DGKB: variants seen among roughly 807,000 people sequenced by gnomAD.
The protein encoded by DGKB is diacylglycerol kinase beta.
A neutral mutation model predicts 114.3 loss-of-function variants in DGKB; 67 were observed. That is an observed-to-expected ratio of 0.59 (90% CI 0.48 to 0.72). The LOEUF (loss-of-function observed/expected upper bound fraction) is 0.72, where lower values mean the gene tolerates loss of function less well. DGKB is among the 30% of genes least tolerant of loss of function. The pLI, the probability that DGKB is intolerant of heterozygous loss-of-function variation, is 0.00. For missense variants in DGKB, 907 were observed against 975.2 expected, an observed-to-expected ratio of 0.93 and a Z score of 0.93; for synonymous variants, 398 against 323.1, an observed-to-expected ratio of 1.23 and a Z score of -2.49.
At chr7:14,360,448 G>GTATATATATATATATATATATATATA (rs112459240) in intron 21 of DGKB, among the ~76,000 whole-genome samples, 40 of 147,010 alleles carry the variant, frequency 2.7e-4, no homozygotes, top group Middle Eastern at 3.6e-3. Context: ...AGAACTTAAA[G>GTATATATATATATATATATATATATA]TATATATATA....
chr7:14,156,877 C>G (rs939749117), intron 25 of DGKB, among the ~76,000 whole-genome samples: 1 of 152,132 alleles, frequency 6.6e-6, no homozygotes, highest in African/African-American at 2.4e-5. Context: ...TAACATTCCT[C>G]AATTTTGATA....
intron 6 of DGKB, among the ~76,000 whole-genome samples, chr7:14,709,652 T>C (rs1826980872): frequency 6.8e-6 from 1 of 146,328 alleles, no homozygotes; most frequent in African/African-American, 2.5e-5. Flanking sequence ...AATGATGAGT[T>C]CATGTCCTTT....
chr7:14,419,759 A>G (rs144667857), intron 21 of DGKB, among the ~76,000 whole-genome samples: 100 of 152,196 alleles, frequency 6.6e-4, no homozygotes, highest in African/African-American at 2.4e-3. Context: ...AATGGCCTTT[A>G]CAATCAAGAT....
At chr7:14,448,210 A>G (rs1197216918) in intron 21 of DGKB, among the ~76,000 whole-genome samples, 1 of 152,082 alleles carries the variant, frequency 6.6e-6, no homozygotes, top group African/African-American at 2.4e-5. Flanking sequence ...AGCCTCCTCT[A>G]TGAGTACTGG....
At chr7:14,833,655 C>T (rs1327171489) in intron 2 of DGKB, among the ~76,000 whole-genome samples, 1 of 152,086 alleles carries the variant, frequency 6.6e-6, no homozygotes, top group Non-Finnish European at 1.5e-5. Context: ...TTCAGCCTTA[C>T]CTTCAGTGCT....
chr7:14,187,321 T>G (rs1218214593), intron 23 of DGKB, among the ~76,000 whole-genome samples: 1 of 151,992 alleles, frequency 6.6e-6, no homozygotes, highest in Admixed American at 6.5e-5. Flanking sequence ...CCTGGACAGA[T>G]AGCCACAGGC....
intron 20 of DGKB, among the ~76,000 whole-genome samples, chr7:14,533,224 T>G (rs1791882593): frequency 6.6e-6 from 1 of 151,808 alleles, no homozygotes; most frequent in Non-Finnish European, 1.5e-5. Context: ...ACTAAAACTT[T>G]CAACAGACAG....
At chr7:14,353,158 T>C (rs137927044) in intron 21 of DGKB, among the ~76,000 whole-genome samples, 294 of 152,234 alleles carry the variant, frequency 1.9e-3, no homozygotes, top group African/African-American at 6.7e-3. Context: ...TGTCTCTCAT[T>C]ATATACAATA....
intron 7 of DGKB, among the ~76,000 whole-genome samples, chr7:14,701,464 T>C (rs931031816): frequency 6.6e-6 from 1 of 152,182 alleles, no homozygotes; most frequent in Non-Finnish European, 1.5e-5. Context: ...AAAAAAGTCA[T>C]GCTGTGGTAT....
At chr7:14,173,616 T>C (rs936112070) in intron 25 of DGKB, among the ~76,000 whole-genome samples, 4 of 152,294 alleles carry the variant, frequency 2.6e-5, no homozygotes, top group South Asian at 4.1e-4. Flanking sequence ...AATTTAAACA[T>C]TGTAGCATTC....
intron 13 of DGKB, among the ~76,000 whole-genome samples, chr7:14,638,055 C>A (rs1488291938): frequency 6.6e-6 from 1 of 151,952 alleles, no homozygotes; most frequent in Non-Finnish European, 1.5e-5. Flanking sequence ...ATTTAAAAAT[C>A]AGATTTTTAA....
At chr7:14,310,792 G>A (rs541173952) in intron 23 of DGKB, among the ~76,000 whole-genome samples, 2 of 152,270 alleles carry the variant, frequency 1.3e-5, no homozygotes, top group South Asian at 4.1e-4. Context: ...TATGTACTAG[G>A]TAAGAGGAAC....
At chr7:14,251,229 C>T (rs1795191024) in intron 23 of DGKB, among the ~76,000 whole-genome samples, 1 of 152,022 alleles carries the variant, frequency 6.6e-6, no homozygotes, top group Admixed American at 6.6e-5. Flanking sequence ...TGTATTACTT[C>T]TGAATTGATG....
chr7:14,534,701 A>T (rs1420769366), intron 20 of DGKB, among the ~76,000 whole-genome samples: 1 of 152,190 alleles, frequency 6.6e-6, no homozygotes, highest in Non-Finnish European at 1.5e-5. Flanking sequence ...AAAAATAGAC[A>T]AAGTAAAAAA....
At chr7:14,656,683 A>C in intron 13 of DGKB, among the ~76,000 whole-genome samples, 1 of 151,278 alleles carries the variant, frequency 6.6e-6, no homozygotes, top group East Asian at 1.9e-4. Flanking sequence ...TTTTTGAAAA[A>C]AATTATTATT....
Position 14,694,056 on chromosome 7 carries a change from C to G in DGKB, c.711+19G>C, listed in dbSNP as rs995114897. On this transcript the variant is annotated intron_variant, in intron 9 of 25. Transcript: ENST00000402815. The stretch of plus-strand genomic sequence containing the variant: ...CACTGACTCACCACCAGGCCACCCT[C>G]CTCTGTGGAAATGCTTACATTTTCT... 3.2e-6 allele frequency: 5 copies of G among 1,565,990 alleles called. No individual in the cohort carries two copies. In the African/African-American group the frequency reaches 6.8e-5, roughly 21 times the overall value.
chr7:14,721,282 T>C (rs987111603), intron 5 of DGKB, among the ~76,000 whole-genome samples: 2 of 152,210 alleles, frequency 1.3e-5, no homozygotes, highest in Non-Finnish European at 1.5e-5. Context: ...GCTTTCACCA[T>C]ACTGAACACA....
chr7:14,864,021 C>T (rs983280597), intron 1 of DGKB, among the ~76,000 whole-genome samples: 1 of 151,202 alleles, frequency 6.6e-6, no homozygotes, highest in Non-Finnish European at 1.5e-5. Flanking sequence ...ATCACTTGAA[C>T]CCAGGAGGCA....
intron 2 of DGKB, among the ~76,000 whole-genome samples, chr7:14,776,003 CA>C (rs959065981): frequency 3.3e-5 from 5 of 152,002 alleles, no homozygotes; most frequent in Middle Eastern, 3.4e-3. Context: ...TGGCTTTGAC[CA>C]AATTGCTAAT....
Sources: allele counts gnomAD v4.1 joint callset (sites outside exome capture counted in the v4.1 genomes callset), GRCh38; gene constraint gnomAD v4.1.1; transcripts MANE v1.5; gene names NCBI Gene and HGNC (gene_info 2026-07-23, HGNC 2026-07-21).